Variants in DGKB observed in about 807,000 individuals in gnomAD.
DGKB encodes the protein diacylglycerol kinase beta, also known as 90 kDa diacylglycerol kinase.
In DGKB, 67 loss-of-function variants were observed where a neutral mutation model predicts 114.3. The observed-to-expected ratio is 0.59, with a 90% CI of 0.48 to 0.72. DGKB has a LOEUF of 0.72. Among genes scored for constraint, DGKB ranks in the 30% least tolerant of loss-of-function variants. The pLI, the probability that DGKB is intolerant of heterozygous loss-of-function variation, is 0.00. For synonymous variants in DGKB, 398 were observed against 323.1 expected (o/e 1.23, Z -2.49); for missense variants, 907 against 975.2 (o/e 0.93, Z 0.93).
intron 1 of DGKB, among the ~76,000 whole-genome samples, chr7:14,971,275 A>G (rs1259838037): frequency 6.6e-6 from 1 of 152,172 alleles, no homozygotes; most frequent in Non-Finnish European, 1.5e-5. Context: ...CAATAGTCAT[A>G]AATAAATATA....
intron 1 of DGKB, among the ~76,000 whole-genome samples, chr7:14,915,702 G>C (rs1375237509): frequency 2.0e-5 from 3 of 152,046 alleles, no homozygotes; most frequent in Non-Finnish European, 2.9e-5. Flanking sequence ...ACCAACCTAG[G>C]ATTCTATATC....
chr7:14,769,386 A>G (rs550425984), intron 2 of DGKB, among the ~76,000 whole-genome samples: 7 of 152,204 alleles, frequency 4.6e-5, no homozygotes, highest in African/African-American at 1.7e-4. Context: ...AGCAGTTGCA[A>G]TGTGTAAGGC....
At chr7:14,230,478 G>A (rs560295874) in intron 23 of DGKB, among the ~76,000 whole-genome samples, 1 of 151,088 alleles carries the variant, frequency 6.6e-6, no homozygotes, top group Non-Finnish European at 1.5e-5. Flanking sequence ...TATTATGTGA[G>A]GTAAACTGTA....
rs75419657 is a variant in DGKB, at chr7:14,793,320, C to A, written c.71-35589G>T. On this transcript the variant is annotated intron_variant, in intron 2 of 25. Transcript: ENST00000402815. ...TGAATTGCTCCCCCGCCAATCCTGC[C>A]TGATTGGGTCATGCATTCCTACCAC... Among the ~76,000 whole-genome samples, 59 of 152,210 alleles carry A rather than the reference C, an allele frequency of 3.9e-4. 2 individuals are homozygous for A. In the East Asian group the frequency reaches 0.011, roughly 28 times the overall value.
At chr7:14,512,584 A>G (rs2128545601) in intron 20 of DGKB, among the ~76,000 whole-genome samples, 1 of 152,218 alleles carries the variant, frequency 6.6e-6, no homozygotes, top group African/African-American at 2.4e-5. Context: ...TCATTCCTAT[A>G]GACGTCTCAG....
At chr7:14,949,991 T>C (rs1323615791) in intron 1 of DGKB, among the ~76,000 whole-genome samples, 2 of 151,760 alleles carry the variant, frequency 1.3e-5, no homozygotes, top group African/African-American at 4.8e-5. Context: ...TTAGGAGATA[T>C]ACCTAATGTA....
chr7:14,437,654 C>G (rs757059904), intron 21 of DGKB, among the ~76,000 whole-genome samples: 1 of 151,800 alleles, frequency 6.6e-6, no homozygotes, highest in Admixed American at 6.6e-5. Flanking sequence ...GAAAGGGAAT[C>G]TTTCAAGACA....
intron 5 of DGKB, 34 bp from the exon 6 acceptor site, chr7:14,718,719 T>C (rs1191433017): frequency 1.3e-6 from 2 of 1,490,206 alleles, no homozygotes; most frequent in African/African-American, 1.4e-5. Context: ...TTTTGTTAAT[T>C]ATTTACAGTG....
upstream of DGKB, among the ~76,000 whole-genome samples, chr7:14,903,772 T>C (rs987459315): frequency 1.3e-5 from 2 of 152,280 alleles, no homozygotes; most frequent in Non-Finnish European, 2.9e-5. Flanking sequence ...AAATAGTGTA[T>C]TAGGGTAAGA....
intron 1 of DGKB, among the ~76,000 whole-genome samples, chr7:14,845,842 G>A (rs1286681024): frequency 6.8e-6 from 1 of 148,090 alleles, no homozygotes; most frequent in Non-Finnish European, 1.5e-5. Context: ...AAAAAAAAAA[G>A]AAGTGCACTT....
At chr7:14,627,485 T>C (rs1175016897) in intron 14 of DGKB, among the ~76,000 whole-genome samples, 2 of 152,078 alleles carry the variant, frequency 1.3e-5, no homozygotes, top group Non-Finnish European at 2.9e-5. Context: ...TTGGAGGGAA[T>C]GAAATTTAGG....
intron 23 of DGKB, among the ~76,000 whole-genome samples, chr7:14,299,547 CCAA>C (rs1803147733): frequency 6.6e-6 from 1 of 152,078 alleles, no homozygotes; most frequent in African/African-American, 2.4e-5. Context: ...TTCATGCAGA[CCAA>C]CAAGAACAAT....
intron 19 of DGKB, among the ~76,000 whole-genome samples, chr7:14,576,707 C>T (rs982974475): frequency 2.0e-5 from 3 of 152,070 alleles, no homozygotes; most frequent in Non-Finnish European, 4.4e-5. Flanking sequence ...GGAACAGCAA[C>T]CTAACCGGGA....
At chr7:14,591,461 G>A (rs2128745897) in intron 17 of DGKB, among the ~76,000 whole-genome samples, 1 of 152,146 alleles carries the variant, frequency 6.6e-6, no homozygotes, top group Non-Finnish European at 1.5e-5. Flanking sequence ...GATTCACCTA[G>A]AGAGTTTCCT....
rs184827274 is a variant in DGKB at position 14,322,055 on chromosome 7, A to C, written c.2122+16460T>G. On this transcript the variant is annotated intron_variant, in intron 23 of 25. Coordinates refer to ENST00000402815, the MANE Select transcript of DGKB (RefSeq NM_001350709.2). ...ACTGATTAACAAAACATTAATTAGGAAACTGTAGTACTGGCGTAAGGACTG... is the reference window on the plus strand; with the variant it reads ...ACTGATTAACAAAACATTAATTAGGCAACTGTAGTACTGGCGTAAGGACTG... 6.6e-5 allele frequency among the ~76,000 whole-genome samples: 10 copies of C among 152,318 alleles called. No homozygotes were observed. The East Asian group carries it at 1.9e-3, about 29-fold the overall frequency.
intron 2 of DGKB, among the ~76,000 whole-genome samples, chr7:14,804,078 T>C (rs1405203192): frequency 6.6e-6 from 1 of 151,626 alleles, no homozygotes; most frequent in African/African-American, 2.4e-5. Context: ...TGGGTGTGTG[T>C]GTGTGTGTGT....
chr7:14,592,976 C>T (rs1177910015), intron 17 of DGKB, among the ~76,000 whole-genome samples: 1 of 151,880 alleles, frequency 6.6e-6, no homozygotes, highest in African/African-American at 2.4e-5. Flanking sequence ...TGAATTTACA[C>T]TGTTTTGGGA....
At chr7:14,449,497 C>G (rs1831173684) in intron 21 of DGKB, among the ~76,000 whole-genome samples, 1 of 151,986 alleles carries the variant, frequency 6.6e-6, no homozygotes, top group South Asian at 2.1e-4. Flanking sequence ...GGAACAGGCA[C>G]CCAATTAATA....
intron 1 of DGKB, among the ~76,000 whole-genome samples, chr7:14,935,628 T>G (rs921118385): frequency 8.5e-5 from 13 of 152,148 alleles, no homozygotes; most frequent in African/African-American, 3.1e-4. Context: ...CTTCAATGTA[T>G]ATACATGCAG....
Sources: allele counts gnomAD v4.1 joint callset (sites outside exome capture counted in the v4.1 genomes callset), GRCh38; gene constraint gnomAD v4.1.1; transcripts MANE v1.5; gene names NCBI Gene and HGNC (gene_info 2026-07-23, HGNC 2026-07-21).